The following SLC4A5 variants were observed in gnomAD, a reference collection of about 807,000 sequenced individuals.
SLC4A5 encodes the protein electrogenic sodium bicarbonate cotransporter 4.
A neutral mutation model predicts 120.4 loss-of-function variants in SLC4A5; 96 were observed. The ratio of observed to expected loss-of-function variants is 0.80; its 90% CI spans 0.68 to 0.94. SLC4A5 has a LOEUF of 0.94. Ranked by LOEUF, SLC4A5 falls within the 40% of genes least tolerant of loss-of-function variation. The probability of loss-of-function intolerance (pLI) is 0.00; values close to 1 mark genes in which losing one functional copy is unlikely to be tolerated. For synonymous variants in SLC4A5, 550 were observed against 571.1 expected (o/e 0.96, Z 0.53); for missense variants, 1,259 against 1,459.5 (o/e 0.86, Z 2.24).
chr2:74,216,512 T>C (rs1694449706), exon 31 of SLC4A5: 1 of 152,262 alleles, frequency 6.6e-6, no homozygotes, highest in Non-Finnish European at 1.5e-5. Context: ...GACAAAGTTC[T>C]ATTCCAGATC....
chr2:74,258,286 C>T (rs1671031209), intron 12 of SLC4A5, among the ~76,000 whole-genome samples: 2 of 152,242 alleles, frequency 1.3e-5, no homozygotes, highest in Admixed American at 1.3e-4. Context: ...GCAGAGACCA[C>T]TGATGCTGCA....
At chr2:74,259,417 T>G (rs986533444) in intron 12 of SLC4A5, among the ~76,000 whole-genome samples, 171 bp downstream of exon 12, 6 of 152,192 alleles carry the variant, frequency 3.9e-5, no homozygotes, top group African/African-American at 1.4e-4. Flanking sequence ...CCCCGACTAC[T>G]GGCCTTGGCA....
chr2:74,278,459 C>A (rs1671712822), intron 8 of SLC4A5, among the ~76,000 whole-genome samples: 1 of 152,136 alleles, frequency 6.6e-6, no homozygotes, highest in Admixed American at 6.5e-5. Context: ...GTCTCTTTTG[C>A]AGCTCCACCC....
chr2:74,301,433 G>A (rs1407685433), intron 7 of SLC4A5, among the ~76,000 whole-genome samples: 2 of 152,158 alleles, frequency 1.3e-5, no homozygotes, highest in East Asian at 1.9e-4. Flanking sequence ...CTCATACTCT[G>A]CAGGATGCCC....
At chr2:74,333,834 A>T (rs941778930) in intron 4 of SLC4A5, among the ~76,000 whole-genome samples, 193 bp downstream of exon 4, 1 of 152,124 alleles carries the variant, frequency 6.6e-6, no homozygotes, top group Non-Finnish European at 1.5e-5. Context: ...ATCTGAAAGG[A>T]TTTAGGTAGG....
Position 74,331,924 on chromosome 2 carries a change from G to T in SLC4A5, c.-70+2103C>A, listed in dbSNP as rs574800584. The stretch of plus-strand genomic sequence containing the variant: ...TCCTTCTGGGAACAGCCTCCTCAGA[G>T]AAGGCCTGTGCTTCCCTCCTCTCCT... On this transcript the variant is annotated intron_variant, in intron 4 of 30. Transcript: ENST00000394019. Among the ~76,000 whole-genome samples, 8 of 152,252 alleles carry T rather than the reference G, an allele frequency of 5.3e-5. No homozygotes were observed. The South Asian group carries it at 1.7e-3, about 32-fold the overall frequency.
At chr2:74,287,302 TTGGGCTGGGGGATGGC>T (rs1465305470) in intron 7 of SLC4A5, among the ~76,000 whole-genome samples, 1 of 152,152 alleles carries the variant, frequency 6.6e-6, no homozygotes, top group Non-Finnish European at 1.5e-5. Flanking sequence ...GTCTGAGGGC[TTGGGCTGGGGGATGGC>T]TGGGGTGGGG....
Position 74,253,954 on chromosome 2 carries a change from A to T in SLC4A5, c.1113+665T>A, listed in dbSNP as rs141634548. ...CAACTAAAAACAGAATGCTTTAAGT[A>T]GAATGATGTCTTTTGTTTCCAAAGT... On this transcript the variant is annotated intron_variant, in intron 14 of 30. Coordinates refer to ENST00000394019, the Ensembl canonical transcript of SLC4A5. 4.6e-3 allele frequency among the ~76,000 whole-genome samples: 701 copies of T among 152,378 alleles called. 3 individuals carry two copies. Among genetic ancestry groups the T allele is most frequent in the Non-Finnish European group, 6.5e-3 (443 of 68,040 alleles).
At chr2:74,307,049 G>T (rs541353104) in intron 6 of SLC4A5, 7 of 571,404 alleles carry the variant, frequency 1.2e-5, no homozygotes, top group Non-Finnish European at 2.3e-5. Flanking sequence ...CCTCCCTCAG[G>T]CTGTTTCCCA....
At chr2:74,283,793 G>A (rs1186714568) in intron 8 of SLC4A5, among the ~76,000 whole-genome samples, 1 of 151,496 alleles carries the variant, frequency 6.6e-6, no homozygotes, top group Non-Finnish European at 1.5e-5. Context: ...TATTACAATG[G>A]TTTGTGGTAC....
intron 17 of SLC4A5, among the ~76,000 whole-genome samples, chr2:74,249,187 G>A (rs988668349): frequency 2.6e-5 from 4 of 152,176 alleles, no homozygotes; most frequent in African/African-American, 9.7e-5. Flanking sequence ...GGTGAAAATT[G>A]TCCCTGGTTG....
At chr2:74,327,441 G>A (rs1024128943) in intron 5 of SLC4A5, among the ~76,000 whole-genome samples, 5 of 152,196 alleles carry the variant, frequency 3.3e-5, no homozygotes, top group African/African-American at 1.2e-4. Flanking sequence ...TAAGCTAGAA[G>A]CCAGGGAAAG....
At chr2:74,268,405 G>A (rs184382533) in intron 8 of SLC4A5, among the ~76,000 whole-genome samples, 1 of 152,178 alleles carries the variant, frequency 6.6e-6, no homozygotes, top group African/African-American at 2.4e-5. Context: ...GACCTTAAGG[G>A]TATAGTATCT....
chr2:74,231,531 GGCC>G (rs1374659600), intron 24 of SLC4A5, among the ~76,000 whole-genome samples: 9 of 152,304 alleles, frequency 5.9e-5, no homozygotes, highest in African/African-American at 2.2e-4. Context: ...CATTGAGGGA[GGCC>G]GCTTAGTGTA....
At chr2:74,284,157 TATTTC>T (rs1422057645) in intron 8 of SLC4A5, among the ~76,000 whole-genome samples, 15 of 120,036 alleles carry the variant, frequency 1.2e-4, no homozygotes, top group African/African-American at 2.4e-4. Flanking sequence ...CCTTATTCCT[TATTTC>T]TTTTTTTTTT....
intron 8 of SLC4A5, among the ~76,000 whole-genome samples, chr2:74,269,588 C>G (rs1671411776): frequency 1.3e-5 from 2 of 152,100 alleles, no homozygotes; most frequent in South Asian, 4.1e-4. Context: ...GGATCGACCT[C>G]CTATTCAGCT....
chr2:74,252,312 C>T (rs1670818725), exon 16 of SLC4A5: 1 of 1,613,186 alleles, frequency 6.2e-7, no homozygotes, highest in African/African-American at 1.3e-5. Flanking sequence ...CCTCCATTGC[C>T]TCCTCCAGGA....
chr2:74,299,645 T>G (rs565538146), intron 7 of SLC4A5, among the ~76,000 whole-genome samples: 2 of 152,236 alleles, frequency 1.3e-5, no homozygotes, highest in African/African-American at 4.8e-5. Flanking sequence ...ATCAGGGAAA[T>G]GCAAATTAAA....
At chr2:74,248,295 C>A (rs753879644) in intron 18 of SLC4A5, 58 bp downstream of exon 18, 4 of 1,598,260 alleles carry the variant, frequency 2.5e-6, no homozygotes, top group Non-Finnish European at 3.4e-6. Context: ...CTGCCCTAGC[C>A]CCAGCATACT....
Sources: gnomAD v4.1 joint callset for allele counts (sites outside exome capture counted in the v4.1 genomes callset) on GRCh38, gnomAD v4.1.1 for gene constraint, MANE v1.5 for transcripts, NCBI Gene and HGNC (gene_info 2026-07-23, HGNC 2026-07-21) for gene names.